CELF4: variants seen among roughly 807,000 people sequenced by gnomAD.
CELF4 encodes the protein CUG-BP- and ETR-3-like factor 4.
In CELF4, 18 loss-of-function variants were observed where a neutral mutation model predicts 59.9. The observed-to-expected ratio is 0.30, with a 90% CI of 0.21 to 0.45. The LOEUF (loss-of-function observed/expected upper bound fraction) is 0.45, where lower values mean the gene tolerates loss of function less well. Among genes scored for constraint, CELF4 ranks in the 20% least tolerant of loss-of-function variants. The pLI is 1.00. For missense variants in CELF4, 456 were observed against 689.0 expected (o/e 0.66, Z 3.79); for synonymous variants, 261 against 267.1 (o/e 0.98, Z 0.22).
rs550562176 is a variant in CELF4, at chr18:37,509,120, A to G, written c.287-23513T>C. On this transcript the variant is annotated intron_variant, in intron 1 of 12. Coordinates refer to ENST00000420428, the MANE Select transcript of CELF4 (RefSeq NM_020180.4). ...TGGACTTCAGCTTTTCTTTCCCCAA[A>G]TCACTTGTACAAAAATTAATTTAAT... Among the ~76,000 whole-genome samples the G allele has an allele frequency of 3.4e-4, 52 of 151,214 alleles. 2 individuals are homozygous for G. In the South Asian group the frequency reaches 7.4e-3, roughly 22 times the overall value.
intron 1 of CELF4, among the ~76,000 whole-genome samples, chr18:37,530,358 G>A (rs767072957): frequency 2.0e-5 from 3 of 152,060 alleles, no homozygotes; most frequent in Non-Finnish European, 4.4e-5. Context: ...GTCAGAGTAG[G>A]CTGCTCCACA....
chr18:37,462,240 C>G (rs771798712), intron 2 of CELF4, among the ~76,000 whole-genome samples: 1 of 152,148 alleles, frequency 6.6e-6, no homozygotes, highest in East Asian at 1.9e-4. Flanking sequence ...CTGGAGGTCT[C>G]GAGCAGGGAA....
chr18:37,476,464 C>A (rs566758746), intron 2 of CELF4, among the ~76,000 whole-genome samples: 7 of 152,328 alleles, frequency 4.6e-5, no homozygotes, highest in Admixed American at 4.6e-4. Flanking sequence ...TAAACTACGG[C>A]GCCCTAGAGA....
intron 6 of CELF4, chr18:37,273,382 T>C: frequency 1.5e-6 from 2 of 1,307,688 alleles, no homozygotes; most frequent in Non-Finnish European, 1.9e-6. Context: ...AAAGTAATGC[T>C]AGGGTCTTTG....
chr18:37,427,610 A>T (rs1473037391), intron 2 of CELF4, among the ~76,000 whole-genome samples: 3 of 152,010 alleles, frequency 2.0e-5, no homozygotes, highest in Non-Finnish European at 4.4e-5. Context: ...CTCCTCTTGC[A>T]TGGTTCCCTG....
At chr18:37,518,332 C>T (rs2099953263) in intron 1 of CELF4, among the ~76,000 whole-genome samples, 1 of 152,168 alleles carries the variant, frequency 6.6e-6, no homozygotes, top group Admixed American at 6.5e-5. Flanking sequence ...GACCCCTGGG[C>T]AATAAGCGAC....
chr18:37,438,759 T>A (rs2099701729), intron 2 of CELF4, among the ~76,000 whole-genome samples: 1 of 152,192 alleles, frequency 6.6e-6, no homozygotes, highest in Non-Finnish European at 1.5e-5. Flanking sequence ...ACCTTTCATA[T>A]CACTTTATCT....
intron 2 of CELF4, among the ~76,000 whole-genome samples, chr18:37,336,061 G>T (rs548825099): frequency 1.3e-5 from 2 of 152,254 alleles, no homozygotes; most frequent in Non-Finnish European, 2.9e-5. Flanking sequence ...TCTTCGCAGC[G>T]CACTTCTGAG....
intron 1 of CELF4, among the ~76,000 whole-genome samples, chr18:37,510,676 C>T (rs1430713958): frequency 2.6e-5 from 4 of 152,228 alleles, no homozygotes; most frequent in African/African-American, 9.6e-5. Context: ...AGAGTTTCTC[C>T]CTGTAGGATG....
At chr18:37,463,961 T>C (rs542655068) in intron 2 of CELF4, among the ~76,000 whole-genome samples, 2 of 152,090 alleles carry the variant, frequency 1.3e-5, no homozygotes, top group South Asian at 2.1e-4. Flanking sequence ...CTGTCCCCTC[T>C]CCCTCATGAA....
At chr18:37,452,817 C>T (rs1367516569) in intron 2 of CELF4, among the ~76,000 whole-genome samples, 1 of 152,184 alleles carries the variant, frequency 6.6e-6, no homozygotes, top group Non-Finnish European at 1.5e-5. Context: ...GAATTCATCT[C>T]CTTCGCCTCT....
At chr18:37,302,999 C>T (rs1348477390) in intron 3 of CELF4, among the ~76,000 whole-genome samples, 1 of 152,040 alleles carries the variant, frequency 6.6e-6, no homozygotes, top group Admixed American at 6.6e-5. Flanking sequence ...AAACTGGGGG[C>T]CCCTGGAGGG....
intron 2 of CELF4, among the ~76,000 whole-genome samples, chr18:37,358,714 C>T (rs764403643): frequency 3.0e-4 from 45 of 152,218 alleles, no homozygotes; most frequent in Non-Finnish European, 5.0e-4. Context: ...AGGCTGTAGT[C>T]CCTCCCTCAG....
chr18:37,263,137 G>A (rs969603059), intron 10 of CELF4, among the ~76,000 whole-genome samples: 7 of 152,142 alleles, frequency 4.6e-5, no homozygotes, highest in African/African-American at 1.7e-4. Flanking sequence ...CACCCCTCCA[G>A]AGAACGCTCC....
chr18:37,503,889 C>T (rs2099934518), intron 1 of CELF4, among the ~76,000 whole-genome samples: 1 of 152,142 alleles, frequency 6.6e-6, no homozygotes, highest in African/African-American at 2.4e-5. Context: ...CTTTTCCTTC[C>T]CTGACCCCAT....
At chr18:37,336,464 G>A (rs945577415) in intron 2 of CELF4, among the ~76,000 whole-genome samples, 10 of 152,172 alleles carry the variant, frequency 6.6e-5, no homozygotes, top group Non-Finnish European at 1.2e-4. Flanking sequence ...TCACATGCAT[G>A]AGCCACCCCA....
intron 2 of CELF4, among the ~76,000 whole-genome samples, chr18:37,477,316 G>A (rs2099852826): frequency 6.6e-6 from 1 of 152,234 alleles, no homozygotes; most frequent in African/African-American, 2.4e-5. Flanking sequence ...TTTGTTCAGA[G>A]GAAGTGATGT....
At chr18:37,522,153 A>G (rs557382511) in intron 1 of CELF4, among the ~76,000 whole-genome samples, 48 of 150,038 alleles carry the variant, frequency 3.2e-4, no homozygotes, top group African/African-American at 1.1e-3. Context: ...CAGCACACAC[A>G]GTAATGCCTC....
chr18:37,375,704 A>G (rs1026231472), intron 2 of CELF4, among the ~76,000 whole-genome samples: 16 of 152,122 alleles, frequency 1.1e-4, no homozygotes, highest in African/African-American at 3.9e-4. Flanking sequence ...AGTATCCTGT[A>G]CCACTGCCCA....
Sources: gnomAD v4.1 joint callset for allele counts (sites outside exome capture counted in the v4.1 genomes callset) on GRCh38, gnomAD v4.1.1 for gene constraint, MANE v1.5 for transcripts, NCBI Gene and HGNC (gene_info 2026-07-23, HGNC 2026-07-21) for gene names.